Variants in SIK3 observed in about 807,000 individuals in gnomAD.
The protein encoded by SIK3 is serine/threonine-protein kinase SIK3.
Under a neutral mutation model 144.2 loss-of-function variants are expected in SIK3, and 28 were observed. The ratio of observed to expected loss-of-function variants is 0.19; its 90% CI spans 0.14 to 0.27. The LOEUF is 0.27. SIK3 is among the 10% of genes least tolerant of loss of function. The pLI is 1.00. For synonymous variants in SIK3, 686 were observed against 676.3 expected, an observed-to-expected ratio of 1.01 and a Z score of -0.22; for missense variants, 1,319 against 1,776.0, an observed-to-expected ratio of 0.74 and a Z score of 4.62.
At position 116,858,003 on chromosome 11, in the gene SIK3, A is replaced by G. The variant is rs781377004; in HGVS notation, c.3462T>C (p.Asp1154=). Residue 1154 remains aspartate (D), a synonymous_variant, in exon 21 of 25, where the codon GAT becomes GAC. Coordinates refer to ENST00000445177, the MANE Select transcript of SIK3 (RefSeq NM_001366686.3). The surrounding 1 kb of genome is among the most constrained non-coding windows in gnomAD (Gnocchi z 5.4). ...TTGAACTCTTACTGTCTTGGAAGCC[A>G]TCCTTGGCCCCCTCACACGAGCAGT... ...EEDCSCEGAK[D]GFQDSKSSST... 6.2e-7 allele frequency: 1 copy of G among 1,614,056 alleles called. No homozygotes were observed. Among genetic ancestry groups the G allele is most frequent in the African/African-American group, 1.3e-5 (1 of 74,940 alleles).
intron 1 of SIK3, among the ~76,000 whole-genome samples, chr11:117,088,962 G>T (rs752540721): frequency 6.6e-6 from 1 of 152,028 alleles, no homozygotes. Context: ...GATTACAGGC[G>T]TGAACCACTG....
chr11:116,975,857 A>G (rs1473654978), intron 1 of SIK3, among the ~76,000 whole-genome samples: 1 of 152,248 alleles, frequency 6.6e-6, no homozygotes, highest in African/African-American at 2.4e-5. Flanking sequence ...TCTACTTTCC[A>G]CATATCCTAA....
At chr11:117,095,692 A>G (rs953640841) in intron 1 of SIK3, among the ~76,000 whole-genome samples, 2 of 152,224 alleles carry the variant, frequency 1.3e-5, no homozygotes, top group Non-Finnish European at 2.9e-5. Context: ...AGCAGGCCAA[A>G]ATATGCTCCT....
At chr11:116,944,018 G>A (rs1368279157) in intron 3 of SIK3, among the ~76,000 whole-genome samples, 1 of 151,832 alleles carries the variant, frequency 6.6e-6, no homozygotes, top group South Asian at 2.1e-4. Flanking sequence ...ATGAGATAGG[G>A]TACCTTCTTT....
intron 1 of SIK3, among the ~76,000 whole-genome samples, chr11:117,080,631 T>C (rs1591668224): frequency 1.3e-5 from 2 of 151,906 alleles, no homozygotes; most frequent in East Asian, 3.9e-4. Flanking sequence ...CAGAAACAAC[T>C]TACGTAAAAT....
At chr11:117,006,037 T>C (rs376394815) in intron 1 of SIK3, among the ~76,000 whole-genome samples, 3 of 152,070 alleles carry the variant, frequency 2.0e-5, no homozygotes, top group Admixed American at 6.6e-5. Flanking sequence ...GGCCAACAAA[T>C]AGTGTTCCTT....
chr11:117,080,267 G>A (rs941179095), intron 1 of SIK3, among the ~76,000 whole-genome samples: 3 of 152,184 alleles, frequency 2.0e-5, no homozygotes, highest in African/African-American at 7.2e-5. Context: ...AAAAATCACT[G>A]TCATACACTC....
At chr11:117,091,878 G>A (rs1302495862) in intron 1 of SIK3, among the ~76,000 whole-genome samples, 1 of 152,050 alleles carries the variant, frequency 6.6e-6, no homozygotes, top group Non-Finnish European at 1.5e-5. Context: ...AGACTCCCAG[G>A]ATCAAGTGAT....
intron 4 of SIK3, among the ~76,000 whole-genome samples, chr11:116,916,512 A>T (rs1027980921): frequency 3.5e-5 from 5 of 141,316 alleles, no homozygotes; most frequent in Admixed American, 2.1e-4. Context: ...ATCACATCAA[A>T]TTTTTTTTTT....
At position 116,957,016 on chromosome 11, in the gene SIK3, T is replaced by C. The variant is rs761657073; in HGVS notation, c.322A>G (p.Lys108Glu). Residue 108 changes from lysine (K) to glutamate (E), a missense_variant, in exon 2 of 25, where the codon AAG becomes GAG. Physicochemically the swap from Lys to Glu is moderately conservative, Grantham distance 56. Transcript: ENST00000445177. Reference sequence around the variant, plus strand: ...ATTTGAACTTCCCGGAAAATCTTCTTCAAGTTTTCTTCATCCAGCTGGGTC... The same window carrying C: ...ATTTGAACTTCCCGGAAAATCTTCTCCAAGTTTTCTTCATCCAGCTGGGTC... ...DKTQLDEENLKKIFREVQIMK... is the reference protein window; with the variant it reads ...DKTQLDEENLEKIFREVQIMK... 1.9e-6 allele frequency: 3 copies of C among 1,611,432 alleles called. No homozygotes were observed. Among genetic ancestry groups the C allele is most frequent in the East Asian group, 4.5e-5 (2 of 44,740 alleles).
chr11:116,856,434 C>T (rs1000862959), intron 21 of SIK3, among the ~76,000 whole-genome samples: 23 of 152,124 alleles, frequency 1.5e-4, no homozygotes, highest in African/African-American at 4.6e-4. Context: ...CTTGGTTCTG[C>T]CCCATAATAT....
At chr11:116,868,970 G>T (rs912761560) in intron 14 of SIK3, 1 of 152,090 alleles carries the variant, frequency 6.6e-6, no homozygotes, top group Non-Finnish European at 1.5e-5. Flanking sequence ...CAAAACTGAT[G>T]GGCATTATAC....
intron 1 of SIK3, among the ~76,000 whole-genome samples, chr11:117,041,169 T>A (rs886556794): frequency 6.6e-6 from 1 of 151,834 alleles, no homozygotes; most frequent in Non-Finnish European, 1.5e-5. Flanking sequence ...TATTTTAAAA[T>A]GAAAAAAGAA....
At chr11:116,957,615 C>G (rs112502025) in intron 1 of SIK3, among the ~76,000 whole-genome samples, 1 of 152,012 alleles carries the variant, frequency 6.6e-6, no homozygotes, top group Middle Eastern at 3.2e-3. Flanking sequence ...CTACCATATA[C>G]GAAATGTTTA....
At chr11:117,074,830 G>A (rs1172754295) in intron 1 of SIK3, among the ~76,000 whole-genome samples, 1 of 151,974 alleles carries the variant, frequency 6.6e-6, no homozygotes, top group Non-Finnish European at 1.5e-5. Flanking sequence ...AGGGGACTGA[G>A]GCAGGGAAAT....
chr11:116,907,522 T>C (rs1946106872), intron 4 of SIK3, among the ~76,000 whole-genome samples: 1 of 152,124 alleles, frequency 6.6e-6, no homozygotes, highest in African/African-American at 2.4e-5. Flanking sequence ...GGCAGGTGCC[T>C]GAAATCCCAG....
intron 1 of SIK3, among the ~76,000 whole-genome samples, chr11:117,003,508 T>C (rs924801897): frequency 6.6e-6 from 1 of 152,056 alleles, no homozygotes; most frequent in African/African-American, 2.4e-5. Context: ...TATTCAATGC[T>C]GGCTGGGAGC....
intron 3 of SIK3, among the ~76,000 whole-genome samples, chr11:116,941,484 G>A (rs1476653691): frequency 3.3e-5 from 5 of 151,210 alleles, no homozygotes; most frequent in African/African-American, 1.2e-4. Context: ...TGAACTTCCA[G>A]GCAGTCACAA....
intron 4 of SIK3, among the ~76,000 whole-genome samples, chr11:116,926,751 T>A (rs544558154): frequency 1.9e-4 from 29 of 152,316 alleles, no homozygotes; most frequent in Middle Eastern, 3.4e-3. Context: ...CCGGGTGTGG[T>A]GGCTCACGCC....
Sources: allele counts gnomAD v4.1 joint callset (sites outside exome capture counted in the v4.1 genomes callset), GRCh38; gene constraint gnomAD v4.1.1; non-coding constraint Gnocchi (gnomAD v3.1); transcripts MANE v1.5; gene names NCBI Gene and HGNC (gene_info 2026-07-23, HGNC 2026-07-21).